LEPROTL1: variants seen among roughly 807,000 people sequenced by gnomAD.
LEPROTL1 encodes leptin receptor overlapping transcript like 1.
A neutral mutation model predicts 15.4 loss-of-function variants in LEPROTL1; 6 were observed. The ratio of observed to expected loss-of-function variants is 0.39; its 90% CI spans 0.21 to 0.77. The LOEUF is 0.77. Among genes scored for constraint, LEPROTL1 ranks in the 30% least tolerant of loss-of-function variants. LEPROTL1 has a pLI of 0.41. For missense variants in LEPROTL1, 128 were observed against 158.1 expected, an observed-to-expected ratio of 0.81 and a Z score of 1.02; for synonymous variants, 56 against 52.6, an observed-to-expected ratio of 1.06 and a Z score of -0.28.
At chr8:30,109,504 T>G (rs901884538), downstream of LEPROTL1, among the ~76,000 whole-genome samples, 1 of 152,254 alleles carries the variant, frequency 6.6e-6, no homozygotes, top group Non-Finnish European at 1.5e-5. Flanking sequence ...TTAGAATATA[T>G]TAAAACACTT....
intron 3 of LEPROTL1, chr8:30,131,988 A>T (rs141320725): frequency 8.4e-6 from 13 of 1,552,048 alleles, no homozygotes; most frequent in Admixed American, 2.0e-5. Context: ...AAAGCAGAAT[A>T]CAGTACACCA....
At chr8:30,116,052 G>A (rs1354182737) in intron 3 of LEPROTL1, among the ~76,000 whole-genome samples, 1 of 152,048 alleles carries the variant, frequency 6.6e-6, no homozygotes, top group Non-Finnish European at 1.5e-5. Flanking sequence ...ACCAGCCTGG[G>A]CAACATGGCA....
At chr8:30,136,131 A>T (rs1047206077) in intron 4 of LEPROTL1, among the ~76,000 whole-genome samples, 8 of 152,072 alleles carry the variant, frequency 5.3e-5, no homozygotes, top group Non-Finnish European at 1.0e-4. Context: ...TCTATTATGG[A>T]CTGAATGTGC....
At chr8:30,132,869 G>T (rs1803057620) in intron 4 of LEPROTL1, 1 of 1,543,624 alleles carries the variant, frequency 6.5e-7, no homozygotes, top group African/African-American at 1.4e-5. Context: ...GTGACCCTCT[G>T]GGTCAAGAGC....
At chr8:30,135,750 C>CA (rs1585484578) in intron 4 of LEPROTL1, among the ~76,000 whole-genome samples, 5 of 151,428 alleles carry the variant, frequency 3.3e-5, no homozygotes, top group African/African-American at 1.2e-4. Context: ...CCCGTTTCTA[C>CA]AAAAAATATG....
chr8:30,104,908 G>C (rs1225378623), intron 3 of LEPROTL1: 1 of 153,058 alleles, frequency 6.5e-6, no homozygotes, highest in Non-Finnish European at 1.5e-5. Context: ...TGGAGACGAG[G>C]TTTCACCGTG....
intron 3 of LEPROTL1, among the ~76,000 whole-genome samples, chr8:30,125,747 C>T (rs1340975703): frequency 6.6e-6 from 1 of 152,168 alleles, no homozygotes; most frequent in Non-Finnish European, 1.5e-5. Flanking sequence ...AGAACTGGGA[C>T]AGGGCCAGAA....
Position 30,106,232 on chromosome 8 carries a change from C to T in LEPROTL1, c.*370C>T, listed in dbSNP as rs113435688. 2.4e-3 allele frequency: 2,325 copies of T among 985,982 alleles called. 42 individuals carry two copies. The African/African-American group carries it at 0.036, about 15-fold the overall frequency. The allele number at this position is 985,982 out of a possible 1,614,324, so 61.1% of individuals were successfully genotyped here. The stretch of plus-strand genomic sequence containing the variant: ...ATTGGTTAGGAATTCAGAATTCCGC[C>T]GGCTCTATTACTGGTCAAGTACATC... On this transcript the variant is annotated 3_prime_UTR_variant, in exon 4 of 4. Transcript: ENST00000321250.
intron 3 of LEPROTL1, among the ~76,000 whole-genome samples, chr8:30,129,381 GTGTATTAGTC>G (rs1325888437): frequency 6.6e-6 from 1 of 152,136 alleles, no homozygotes; most frequent in East Asian, 1.9e-4. Flanking sequence ...ACGATTAAAA[GTGTATTAGTC>G]TGTTCTCGTA....
rs1276037833 is a variant in LEPROTL1 at position 30,132,632 on chromosome 8, A to G, written c.394+143A>G. ...AGTCCAAGAATCTGCAGACCCCTCC[A>G]GCTCAGAGCCCAGAAAGAGTGTCTG... is the stretch of plus-strand genomic sequence containing the variant. On this transcript the variant is annotated intron_variant, in intron 4 of 4. Transcript: ENST00000442880. 5.2e-6 allele frequency: 8 copies of G among 1,551,692 alleles called. No homozygotes were observed. The African/African-American group carries it at 6.8e-5, about 13-fold the overall frequency.
intron 3 of LEPROTL1, among the ~76,000 whole-genome samples, chr8:30,114,421 G>C (rs1802703863): frequency 6.6e-6 from 1 of 151,906 alleles, no homozygotes; most frequent in Admixed American, 6.6e-5. Context: ...CTCCCGAGTA[G>C]CTGGGATTAC....
At chr8:30,120,107 G>T (rs1018577959) in intron 3 of LEPROTL1, among the ~76,000 whole-genome samples, 1 of 151,094 alleles carries the variant, frequency 6.6e-6, no homozygotes, top group African/African-American at 2.4e-5. Flanking sequence ...ATAAATAAAT[G>T]TATGTTTTTA....
chr8:30,134,322 C>G (rs1803091812), intron 4 of LEPROTL1, among the ~76,000 whole-genome samples: 1 of 151,756 alleles, frequency 6.6e-6, no homozygotes, highest in Admixed American at 6.6e-5. Context: ...ACTCGGGAGG[C>G]TGAGGCAGGA....
intron 3 of LEPROTL1, among the ~76,000 whole-genome samples, chr8:30,118,833 T>C (rs1427060160): frequency 6.6e-6 from 1 of 152,224 alleles, no homozygotes; most frequent in Non-Finnish European, 1.5e-5. Context: ...GAAGGTACTA[T>C]GCCTGGATGT....
At chr8:30,114,578 A>G (rs1380886983) in intron 3 of LEPROTL1, among the ~76,000 whole-genome samples, 1 of 152,160 alleles carries the variant, frequency 6.6e-6, no homozygotes, top group Non-Finnish European at 1.5e-5. Flanking sequence ...GGCGTGAGCC[A>G]CTGCGCCCAG....
chr8:30,113,020 C>T (rs1264153713), downstream of LEPROTL1, among the ~76,000 whole-genome samples: 1 of 151,566 alleles, frequency 6.6e-6, no homozygotes, highest in African/African-American at 2.4e-5. Flanking sequence ...CCCTGTAATC[C>T]CAGTACTTTG....
intron 2 of LEPROTL1, among the ~76,000 whole-genome samples, chr8:30,102,544 C>T (rs1221762112): frequency 1.3e-5 from 2 of 151,180 alleles, no homozygotes; most frequent in East Asian, 3.9e-4. Context: ...CCCAGGTACT[C>T]GGGAGGCTGA....
intron 3 of LEPROTL1, among the ~76,000 whole-genome samples, chr8:30,123,276 C>T (rs1466499206): frequency 6.6e-6 from 1 of 152,162 alleles, no homozygotes; most frequent in Non-Finnish European, 1.5e-5. Flanking sequence ...TAGTGGTCAA[C>T]CCAGTTGTGT....
chr8:30,137,231 C>G (rs780979113), intron 4 of LEPROTL1: 16 of 1,453,576 alleles, frequency 1.1e-5, no homozygotes, highest in Admixed American at 3.9e-5. Context: ...CATGACAACA[C>G]TTCTCTAGAC....
Sources: allele counts gnomAD v4.1 joint callset (sites outside exome capture counted in the v4.1 genomes callset), GRCh38; gene constraint gnomAD v4.1.1; transcripts MANE v1.5; gene names NCBI Gene and HGNC (gene_info 2026-07-23, HGNC 2026-07-21).